Variants in KCNAB2 observed in about 807,000 individuals in gnomAD.
KCNAB2 encodes the protein voltage-gated potassium channel subunit beta-2.
A neutral mutation model predicts 63.6 loss-of-function variants in KCNAB2; 29 were observed. The observed-to-expected ratio is 0.46, with a 90% confidence interval of 0.34 to 0.62. KCNAB2 has a LOEUF of 0.62. Among genes scored for constraint, KCNAB2 ranks in the 20% least tolerant of loss-of-function variants. KCNAB2 has a pLI of 0.01. For missense variants in KCNAB2, 359 were observed against 563.9 expected, an observed-to-expected ratio of 0.64 and a Z score of 3.68; for synonymous variants, 222 against 224.2, an observed-to-expected ratio of 0.99 and a Z score of 0.09.
intron 11 of KCNAB2, 145 bp from the exon 12 acceptor site, chr1:6,095,178 A>G: frequency 3.7e-6 from 3 of 808,678 alleles, no homozygotes; most frequent in Non-Finnish European, 5.9e-6. Context: ...CAGGGAAGCT[A>G]TGAGTGTGAG....
chr1:6,092,103 G>A (rs1415256070), intron 10 of KCNAB2, among the ~76,000 whole-genome samples: 1 of 152,254 alleles, frequency 6.6e-6, no homozygotes, highest in Non-Finnish European at 1.5e-5. Context: ...GATGCGGCAG[G>A]AGATGCTGTG....
chr1:6,095,730 G>T, intron 13 of KCNAB2, 106 bp downstream of exon 13: 2 of 1,063,274 alleles, frequency 1.9e-6, no homozygotes, highest in Non-Finnish European at 2.9e-6. Context: ...TCCGGGAGCT[G>T]CAGCTGTTCC....
rs3040477 is a variant in KCNAB2, at chr1:6,088,703, A to AAAT, written c.471-278_471-276dup. Among the ~76,000 whole-genome samples the AAAT allele has an allele frequency of 1.1e-3, 152 of 142,512 alleles. No homozygotes were observed. The South Asian group carries it at 0.014, about 13-fold the overall frequency. 93.5% of individuals were successfully genotyped at this position (142,512 alleles called of 152,430 possible). On this transcript the variant is annotated intron_variant, in intron 7 of 15. Coordinates refer to ENST00000378083, the MANE Select transcript of KCNAB2 (RefSeq NM_001199862.2). ...CAGCCTGATGTGTTCTTAATTTAAA[A>AAAT]AATAATAATAATAATAATAATAATA...
At chr1:6,070,038 C>G (rs1663067618) in intron 2 of KCNAB2, among the ~76,000 whole-genome samples, 1 of 152,192 alleles carries the variant, frequency 6.6e-6, no homozygotes, top group Non-Finnish European at 1.5e-5. Context: ...CAGCCCTGAC[C>G]TGGCCTTCAG....
chr1:6,060,583 G>A (rs527346803), intron 2 of KCNAB2, among the ~76,000 whole-genome samples: 91 of 152,294 alleles, frequency 6.0e-4, no homozygotes, highest in African/African-American at 1.7e-3. Context: ...CACTCTCGGA[G>A]GAGCTGCTGG....
intron 2 of KCNAB2, among the ~76,000 whole-genome samples, chr1:6,063,065 C>T (rs762871904): frequency 3.1e-4 from 47 of 149,908 alleles, no homozygotes; most frequent in Non-Finnish European, 1.5e-4. Flanking sequence ...ATCTCACTGT[C>T]GCCCAGGCTA....
upstream of KCNAB2, chr1:6,041,585 C>T (rs140167909): frequency 2.1e-3 from 1,138 of 547,558 alleles, 7 homozygotes; most frequent in African/African-American, 0.017. Context: ...ATGGAAGGAG[C>T]CCTTGGTGTC....
At chr1:6,088,527 C>T (rs1464480290) in intron 7 of KCNAB2, among the ~76,000 whole-genome samples, 1 of 151,598 alleles carries the variant, frequency 6.6e-6, no homozygotes, top group Non-Finnish European at 1.5e-5. Flanking sequence ...GGATTGCAGG[C>T]GTGAGCCACC....
At position 6,098,704 on chromosome 1, in the gene KCNAB2, C is replaced by A; in HGVS notation, c.*130C>A. ...AGAAAACACCACACTGTGATGTCATCGGGAAATGATCTCCCAAGTCGCTGC... is the reference window on the plus strand; with the variant it reads ...AGAAAACACCACACTGTGATGTCATAGGGAAATGATCTCCCAAGTCGCTGC... On this transcript the variant is annotated 3_prime_UTR_variant, in exon 16 of 16. Coordinates refer to ENST00000378083, the MANE Select transcript of KCNAB2 (RefSeq NM_001199862.2). 1.7e-6 allele frequency: 2 copies of A among 1,178,300 alleles called. No individual in the cohort carries two copies. Among genetic ancestry groups the A allele is most frequent in the South Asian group, 1.5e-5 (1 of 65,414 alleles). 73.0% of individuals were successfully genotyped at this position (1,178,300 alleles called of 1,614,324 possible).
At chr1:6,062,740 A>G (rs1233683851) in intron 2 of KCNAB2, among the ~76,000 whole-genome samples, 1 of 152,256 alleles carries the variant, frequency 6.6e-6, no homozygotes, top group South Asian at 2.1e-4. Context: ...TCCACAGGGA[A>G]CAGCAGGAAT....
At chr1:6,056,368 G>A (rs1478120807) in intron 2 of KCNAB2, among the ~76,000 whole-genome samples, 1 of 152,178 alleles carries the variant, frequency 6.6e-6, no homozygotes, top group Admixed American at 6.5e-5. Context: ...TGTTTAAACT[G>A]TCCTCAATTA....
upstream of KCNAB2, among the ~76,000 whole-genome samples, chr1:6,042,363 G>A (rs1486852432): frequency 2.6e-5 from 4 of 152,162 alleles, no homozygotes; most frequent in Admixed American, 1.3e-4. Context: ...CTGATACGAC[G>A]TGGATCAGTG....
In KCNAB2 at chr1:6,086,990, C is replaced by G. The variant is rs1008812121; in HGVS notation, c.426-477C>G. 6.6e-6 allele frequency among the ~76,000 whole-genome samples: 1 copy of G among 152,114 alleles called. No homozygotes were observed. Among genetic ancestry groups the G allele is most frequent in the Admixed American group, 6.5e-5 (1 of 15,270 alleles). The stretch of plus-strand genomic sequence containing the variant: ...TGTAGGGAACGTTGCAGAGAGCTTC[C>G]CTGCCTGCCTCCCACCTACATCTTT... On this transcript the variant is annotated intron_variant, in intron 6 of 15. Transcript: ENST00000378083. The surrounding 1 kb of genome is among the most constrained non-coding windows in gnomAD (Gnocchi z 4.2).
Position 6,096,553 on chromosome 1 carries a change from T to C in KCNAB2, c.949-83T>C. ...ATGAGGGAGAAGGGTCCAGAAGGAA[T>C]GAGCCCATCGGCCCCCTGCACGTGG... is the stretch of plus-strand genomic sequence containing the variant. On this transcript the variant is annotated intron_variant, in intron 13 of 15. Transcript: ENST00000378083. This position sits in a 1 kb window ranked among gnomAD's most constrained non-coding sequence, Gnocchi z 5.9. The C allele has an allele frequency of 3.3e-6, 5 of 1,497,694 alleles. No individual in the cohort carries two copies. The South Asian group carries it at 6.5e-5, about 20-fold the overall frequency. 92.8% of individuals were successfully genotyped at this position (1,497,694 alleles called of 1,614,324 possible).
At chr1:6,089,694 A>G (rs1665018175) in intron 8 of KCNAB2, among the ~76,000 whole-genome samples, 2 of 152,002 alleles carry the variant, frequency 1.3e-5, no homozygotes. Flanking sequence ...TTTAGACACT[A>G]TTGCCATTGT....
upstream of KCNAB2, among the ~76,000 whole-genome samples, chr1:6,032,486 A>G (rs572399943): frequency 2.6e-5 from 4 of 152,122 alleles, no homozygotes; most frequent in East Asian, 5.8e-4. Context: ...CTGAGGCAGG[A>G]GAATCACTTG....
At chr1:6,026,249 C>G (rs1201800704) in intron 1 of KCNAB2, 1 of 152,314 alleles carries the variant, frequency 6.6e-6, no homozygotes, top group Non-Finnish European at 1.5e-5. Flanking sequence ...AGGCCACGCC[C>G]CGACACCCCA....
chr1:6,046,965 G>A (rs911049172), intron 1 of KCNAB2, among the ~76,000 whole-genome samples: 4 of 152,152 alleles, frequency 2.6e-5, no homozygotes, highest in Admixed American at 6.5e-5. Context: ...TCCATGTCAC[G>A]GTGTTAATTC....
chr1:6,016,565 T>C (rs1398906863), intron 1 of KCNAB2, among the ~76,000 whole-genome samples: 1 of 152,224 alleles, frequency 6.6e-6, no homozygotes, highest in Non-Finnish European at 1.5e-5. Flanking sequence ...GTGCATAACA[T>C]GTGACTGGAC....
Sources: allele counts gnomAD v4.1 joint callset (sites outside exome capture counted in the v4.1 genomes callset), GRCh38; gene constraint gnomAD v4.1.1; non-coding constraint Gnocchi (gnomAD v3.1); transcripts MANE v1.5; gene names NCBI Gene and HGNC (gene_info 2026-07-23, HGNC 2026-07-21).